TRPS1: variants seen among roughly 807,000 people sequenced by gnomAD.
The protein encoded by TRPS1 is transcriptional repressor GATA binding 1, also known as zinc finger transcription factor Trps1.
Under a neutral mutation model 101.2 loss-of-function variants are expected in TRPS1, and 6 were observed. The observed-to-expected ratio is 0.06, with a 90% CI of 0.03 to 0.12. The LOEUF is 0.12. Ranked by LOEUF, TRPS1 falls within the 10% of genes least tolerant of loss-of-function variation. The pLI is 1.00. For missense variants in TRPS1, 1,363 were observed against 1,567.0 expected (o/e 0.87, Z 2.20); for synonymous variants, 578 against 589.8 (o/e 0.98, Z 0.29).
chr8:115,495,164 A>AT (rs1353418150), intron 5 of TRPS1, among the ~76,000 whole-genome samples: 2 of 152,208 alleles, frequency 1.3e-5, no homozygotes, highest in African/African-American at 4.8e-5. Context: ...AAAGGAAGCA[A>AT]AATAAACAGA....
At chr8:115,539,843 C>T (rs954584378) in intron 5 of TRPS1, among the ~76,000 whole-genome samples, 2 of 152,146 alleles carry the variant, frequency 1.3e-5, no homozygotes, top group African/African-American at 4.8e-5. Context: ...GACATAGAGG[C>T]TGGAATGCAG....
intron 5 of TRPS1, among the ~76,000 whole-genome samples, chr8:115,461,560 A>G (rs1814179140): frequency 6.6e-6 from 1 of 152,172 alleles, no homozygotes; most frequent in African/African-American, 2.4e-5. Flanking sequence ...CATGGTAGGC[A>G]TTCCATAAAG....
chr8:115,466,565 T>C (rs1054200916), intron 5 of TRPS1, among the ~76,000 whole-genome samples: 1 of 152,076 alleles, frequency 6.6e-6, no homozygotes, highest in African/African-American at 2.4e-5. Flanking sequence ...CGAAGGAAAC[T>C]TCTGAAATCA....
At chr8:115,456,328 C>A (rs1586291706) in intron 5 of TRPS1, among the ~76,000 whole-genome samples, 1 of 151,956 alleles carries the variant, frequency 6.6e-6, no homozygotes, top group African/African-American at 2.4e-5. Flanking sequence ...TCTGGGTGTT[C>A]CCTACTGCTT....
chr8:115,497,126 A>G (rs1328832275), intron 5 of TRPS1, among the ~76,000 whole-genome samples: 1 of 152,164 alleles, frequency 6.6e-6, no homozygotes, highest in African/African-American at 2.4e-5. Context: ...CACAGTTCTC[A>G]TATGTGCCTT....
chr8:115,473,990 A>G (rs554808930), intron 5 of TRPS1, among the ~76,000 whole-genome samples: 1 of 152,314 alleles, frequency 6.6e-6, no homozygotes, highest in South Asian at 2.1e-4. Context: ...AATGATGAAA[A>G]GCTTTCTGCT....
intron 5 of TRPS1, among the ~76,000 whole-genome samples, chr8:115,484,087 G>A (rs1330043576): frequency 2.0e-5 from 3 of 152,094 alleles, no homozygotes; most frequent in Admixed American, 1.3e-4. Flanking sequence ...AGAATGGGAT[G>A]AGGTCATGAT....
chr8:115,549,890 C>T (rs1041035231), intron 5 of TRPS1, among the ~76,000 whole-genome samples: 2 of 152,092 alleles, frequency 1.3e-5, no homozygotes, highest in African/African-American at 2.4e-5. Flanking sequence ...AAGAGTCTCT[C>T]CTTGCTCTAT....
chr8:115,430,695 T>C (rs376050704), intron 5 of TRPS1, among the ~76,000 whole-genome samples: 20 of 152,256 alleles, frequency 1.3e-4, no homozygotes, highest in African/African-American at 4.3e-4. Context: ...ATGGCATACG[T>C]TGGTTATGTA....
intron 5 of TRPS1, among the ~76,000 whole-genome samples, chr8:115,482,390 T>C (rs1004459313): frequency 6.6e-6 from 1 of 151,994 alleles, no homozygotes; most frequent in African/African-American, 2.4e-5. Flanking sequence ...CTTACAGTTA[T>C]AAGTAAGTAA....
intron 5 of TRPS1, among the ~76,000 whole-genome samples, chr8:115,455,974 C>T (rs766405275): frequency 2.6e-5 from 4 of 151,538 alleles, no homozygotes; most frequent in African/African-American, 4.9e-5. Flanking sequence ...TTAGTAGAGA[C>T]AGGGTTTCAC....
intron 1 of TRPS1, among the ~76,000 whole-genome samples, chr8:115,654,488 T>A (rs1422338362): frequency 1.3e-5 from 2 of 152,318 alleles, no homozygotes; most frequent in Admixed American, 1.3e-4. Flanking sequence ...AGATGCCATC[T>A]ACAGTTTTTC....
intron 5 of TRPS1, among the ~76,000 whole-genome samples, chr8:115,528,276 C>A (rs1425286370): frequency 6.6e-6 from 1 of 151,926 alleles, no homozygotes; most frequent in African/African-American, 2.4e-5. Context: ...TTATTGTGTA[C>A]CTATTTATCA....
intron 5 of TRPS1, among the ~76,000 whole-genome samples, chr8:115,533,519 G>A (rs2130275977): frequency 1.5e-5 from 2 of 136,476 alleles, no homozygotes; most frequent in Admixed American, 1.7e-4. Flanking sequence ...ACTCTCAAGA[G>A]GGTACCATGA....
chr8:115,645,576 TTGTG>T (rs1819006416), intron 1 of TRPS1, among the ~76,000 whole-genome samples: 1 of 152,144 alleles, frequency 6.6e-6, no homozygotes, highest in Admixed American at 6.6e-5. Context: ...TGAAGAGGAA[TTGTG>T]TGCTCATTTT....
chr8:115,618,325 CATTT>C (rs1818315271), intron 3 of TRPS1, among the ~76,000 whole-genome samples: 1 of 152,134 alleles, frequency 6.6e-6, no homozygotes, highest in Non-Finnish European at 1.5e-5. Context: ...TAAATGTATA[CATTT>C]ATTTAGACTC....
chr8:115,442,581 A>ATG (rs1373291187), intron 5 of TRPS1, among the ~76,000 whole-genome samples: 23 of 125,210 alleles, frequency 1.8e-4, no homozygotes, highest in South Asian at 2.8e-4. Flanking sequence ...GTGTGTGTGT[A>ATG]TGTGTGTGTG....
intron 1 of TRPS1, among the ~76,000 whole-genome samples, chr8:115,627,548 G>A (rs1367027562): frequency 6.6e-6 from 1 of 151,732 alleles, no homozygotes; most frequent in Non-Finnish European, 1.5e-5. Context: ...TATCTTGATG[G>A]TTATGATGTG....
chr8:115,650,563 T>A lies in TRPS1; in HGVS notation c.-122+17982A>T, dbSNP rs970941850. Among the ~76,000 whole-genome samples, 32 of 152,290 alleles carry A rather than the reference T, an allele frequency of 2.1e-4. 1 individual carries two copies. The highest frequency in any genetic ancestry group is 7.0e-4 in the African/African-American group (29 of 41,554). ...AGTTAAATGTTAAATCAAAGGGACT[T>A]CCCAATTGTCAGATAAAATAATTCT... On this transcript the variant is annotated intron_variant, in intron 1 of 6. Coordinates refer to ENST00000395715, the MANE Select transcript of TRPS1 (RefSeq NM_014112.5).
Sources: allele counts gnomAD v4.1 joint callset (sites outside exome capture counted in the v4.1 genomes callset), GRCh38; gene constraint gnomAD v4.1.1; transcripts MANE v1.5; gene names NCBI Gene and HGNC (gene_info 2026-07-23, HGNC 2026-07-21).